NAALADL2: variants seen among roughly 807,000 people sequenced by gnomAD.
The protein encoded by NAALADL2 is N-acetylated alpha-linked acidic dipeptidase like 2, also known as inactive N-acetylated-alpha-linked acidic dipeptidase-like protein 2.
In NAALADL2, 76 loss-of-function variants were observed where a neutral mutation model predicts 87.2. The observed-to-expected ratio is 0.87, with a 90% CI of 0.72 to 1.05. NAALADL2 has a LOEUF of 1.05. Ranked by LOEUF, NAALADL2 falls within the 50% of genes least tolerant of loss-of-function variation. NAALADL2 has a pLI of 0.00. For missense variants in NAALADL2, 1,089 were observed against 945.8 expected (o/e 1.15, Z -1.99); for synonymous variants, 354 against 331.0 (o/e 1.07, Z -0.75).
intron 11 of NAALADL2, among the ~76,000 whole-genome samples, chr3:175,673,737 A>G (rs1470209539): frequency 6.6e-6 from 1 of 152,068 alleles, no homozygotes; most frequent in Non-Finnish European, 1.5e-5. Flanking sequence ...ACCTTCTGAT[A>G]GATTCTCACT....
At chr3:174,486,701 C>T (rs1717880243) in intron 1 of NAALADL2, among the ~76,000 whole-genome samples, 1 of 151,940 alleles carries the variant, frequency 6.6e-6, no homozygotes. Context: ...CTTCTAAGCT[C>T]CTTACATGCT....
rs372231218 is a variant in NAALADL2, at chr3:174,693,338, GGT to G, written c.-114-44300_-114-44299del. Among the ~76,000 whole-genome samples the G allele has an allele frequency of 8.7e-4, 132 of 152,158 alleles. 2 individuals carry two copies. The highest frequency in any genetic ancestry group is 3.1e-3 in the African/African-American group (127 of 41,502). On this transcript the variant is annotated intron_variant, in intron 2 of 3. Coordinates refer to the NAALADL2 transcript ENST00000434257. The stretch of plus-strand genomic sequence containing the variant: ...TTTACTTGGTAGAAGTGGACCATAG[GGT>G]GTTGCATCTTTCCTAAAACACAATT...
At chr3:174,552,955 T>C (rs1712326730) in intron 2 of NAALADL2, among the ~76,000 whole-genome samples, 1 of 152,104 alleles carries the variant, frequency 6.6e-6, no homozygotes, top group South Asian at 2.1e-4. Context: ...ACTATAGACA[T>C]ATGTTACACG....
chr3:175,677,855 C>G (rs1480004727), intron 11 of NAALADL2, among the ~76,000 whole-genome samples: 1 of 152,164 alleles, frequency 6.6e-6, no homozygotes, highest in Non-Finnish European at 1.5e-5. Flanking sequence ...AACATTATCT[C>G]TTACACAGTA....
At chr3:174,608,649 T>G (rs942386069) in intron 2 of NAALADL2, among the ~76,000 whole-genome samples, 7 of 152,024 alleles carry the variant, frequency 4.6e-5, no homozygotes, top group African/African-American at 1.5e-4. Flanking sequence ...AATAACAGGC[T>G]CTGAAATTGT....
chr3:174,601,743 C>T (rs1340553466), intron 2 of NAALADL2, among the ~76,000 whole-genome samples: 1 of 152,028 alleles, frequency 6.6e-6, no homozygotes, highest in African/African-American at 2.4e-5. Flanking sequence ...TGGAGAGTTT[C>T]TCCAATGTTT....
chr3:174,594,592 A>G (rs764029030), intron 2 of NAALADL2, among the ~76,000 whole-genome samples: 3 of 152,170 alleles, frequency 2.0e-5, no homozygotes, highest in Non-Finnish European at 4.4e-5. Flanking sequence ...CTCTTATGCT[A>G]CTGACCCAGA....
chr3:175,564,607 A>C (rs1197841865), intron 9 of NAALADL2, among the ~76,000 whole-genome samples: 1 of 152,214 alleles, frequency 6.6e-6, no homozygotes. Context: ...AAGTTATGTT[A>C]TGTCAGCCAG....
At chr3:174,935,873 G>A (rs1737617989) in intron 1 of NAALADL2, among the ~76,000 whole-genome samples, 1 of 152,062 alleles carries the variant, frequency 6.6e-6, no homozygotes, top group Non-Finnish European at 1.5e-5. Flanking sequence ...AGTGTGATAA[G>A]TCTAGCAAAC....
intron 2 of NAALADL2, among the ~76,000 whole-genome samples, chr3:174,603,477 A>G (rs762003291): frequency 1.3e-5 from 2 of 151,684 alleles, no homozygotes; most frequent in African/African-American, 2.4e-5. Flanking sequence ...CTCTGATTTT[A>G]TGTATTTGGG....
intron 13 of NAALADL2, among the ~76,000 whole-genome samples, chr3:175,769,795 G>A (rs1412009626): frequency 6.6e-6 from 1 of 152,030 alleles, no homozygotes; most frequent in East Asian, 1.9e-4. Context: ...TGGTTCATAT[G>A]AATGAGGAGG....
chr3:175,327,551 G>A (rs1047072032), intron 5 of NAALADL2, among the ~76,000 whole-genome samples: 4 of 152,030 alleles, frequency 2.6e-5, no homozygotes, highest in Non-Finnish European at 4.4e-5. Context: ...TTAAAATCCA[G>A]CACACATACG....
At chr3:175,052,501 C>G (rs1755544658) in intron 1 of NAALADL2, among the ~76,000 whole-genome samples, 1 of 152,136 alleles carries the variant, frequency 6.6e-6, no homozygotes, top group South Asian at 2.1e-4. Flanking sequence ...GCAGACTATA[C>G]AAAGACAAAC....
chr3:174,693,995 T>C (rs1411334227), intron 2 of NAALADL2, among the ~76,000 whole-genome samples: 1 of 152,152 alleles, frequency 6.6e-6, no homozygotes, highest in Non-Finnish European at 1.5e-5. Context: ...CTCTCTGACT[T>C]TGGGGTCATA....
intron 2 of NAALADL2, among the ~76,000 whole-genome samples, chr3:175,143,677 C>A (rs978675694): frequency 6.6e-6 from 1 of 151,596 alleles, no homozygotes; most frequent in Non-Finnish European, 1.5e-5. Context: ...GAAAATAATT[C>A]ATTGAATCCT....
chr3:174,527,834 C>A (rs948112192), intron 1 of NAALADL2, among the ~76,000 whole-genome samples: 4 of 151,726 alleles, frequency 2.6e-5, no homozygotes, highest in African/African-American at 9.7e-5. Context: ...TTCTACCTGG[C>A]CTTGGTCCCT....
rs62284944 is a variant in NAALADL2 at position 174,862,536 on chromosome 3, C to T, written c.43+3086C>T. ...AAATGGGGAAAGAATCTATCAGCAT[C>T]CAGCTATGTGCTTCACCTGCTGAGC... On this transcript the variant is annotated intron_variant, in intron 1 of 13. Coordinates refer to ENST00000454872, the MANE Select transcript of NAALADL2 (RefSeq NM_207015.3). Among the ~76,000 whole-genome samples the T allele has an allele frequency of 2.8e-3, 419 of 152,164 alleles. 1 individual carries two copies. Among genetic ancestry groups the T allele is most frequent in the Middle Eastern group, 0.014 (4 of 294 alleles).
In NAALADL2 at chr3:175,324,189, A is replaced by C; in HGVS notation, c.954A>C (p.Glu318Asp). 1 of 1,612,998 alleles carries C rather than the reference A, an allele frequency of 6.2e-7. No individual in the cohort carries two copies. The change falls in exon 5 of 14, where the codon GAA (glutamate) becomes GAC (aspartate). Residue 318 changes from glutamate (E) to aspartate (D), a missense_variant. Physicochemically the swap from Glu to Asp is conservative, Grantham distance 45. Transcript: ENST00000454872. ...LPLLYKLSSL[E>D]KAGFGGVLLY... ...CCCTCTTTTAGCTTTCCTCATTGGA[A>C]AAGGCTGGATTTGGAGGTGTTCTTC... is the stretch of plus-strand genomic sequence containing the variant.
chr3:175,274,532 C>T (rs1191763474), intron 4 of NAALADL2, among the ~76,000 whole-genome samples: 11 of 152,124 alleles, frequency 7.2e-5, no homozygotes, highest in Admixed American at 7.2e-4. Flanking sequence ...TTTTAACATG[C>T]CCCAGTTTGC....
Sources: allele counts gnomAD v4.1 joint callset (sites outside exome capture counted in the v4.1 genomes callset), GRCh38; gene constraint gnomAD v4.1.1; transcripts MANE v1.5; gene names NCBI Gene and HGNC (gene_info 2026-07-23, HGNC 2026-07-21).